Variants in LARGE1 observed in about 807,000 individuals in gnomAD.
LARGE1 encodes the protein xylosyl- and glucuronyltransferase LARGE1.
LARGE1 carries 43 observed loss-of-function variants against 87.6 expected under a neutral mutation model. The observed-to-expected ratio is 0.49, with a 90% CI of 0.38 to 0.63. LARGE1 has a LOEUF of 0.63. Among genes scored for constraint, LARGE1 ranks in the 30% least tolerant of loss-of-function variants. LARGE1 has a pLI of 0.00. For synonymous variants in LARGE1, 434 were observed against 394.6 expected, an observed-to-expected ratio of 1.10 and a Z score of -1.18; for missense variants, 802 against 1,000.2, an observed-to-expected ratio of 0.80 and a Z score of 2.67.
Position 33,728,576 on chromosome 22 carries a change from A to AAAAAAAAAAAAAAAC in LARGE1, c.106+32794_106+32795insGTTTTTTTTTTTTTT. The stretch of plus-strand genomic sequence containing the variant: ...CAAAAAAAAAAAAAAAAAAAAAAAA[A>AAAAAAAAAAAAAAAC]AAACCAACAACAGAGACACATTTCC... On this transcript the variant is annotated intron_variant, in intron 2 of 14. Coordinates refer to ENST00000397394, the MANE Select transcript of LARGE1 (RefSeq NM_133642.5). Among the ~76,000 whole-genome samples the AAAAAAAAAAAAAAAC allele has an allele frequency of 1.9e-5, 2 of 103,764 alleles. 1 individual carries two copies. Among genetic ancestry groups the AAAAAAAAAAAAAAAC allele is most frequent in the Non-Finnish European group, 4.2e-5 (2 of 48,088 alleles). 68.1% of individuals were successfully genotyped at this position (103,764 alleles called of 152,430 possible).
chr22:33,745,644 G>T (rs975447966), intron 2 of LARGE1, among the ~76,000 whole-genome samples: 7 of 152,178 alleles, frequency 4.6e-5, no homozygotes, highest in Non-Finnish European at 2.9e-5. Flanking sequence ...CGAGGGCCCG[G>T]TTCTCGCTAC....
rs1402067972 is a variant in LARGE1, at chr22:33,183,612, ACACACACG to A, written c.1731-16788_1731-16781del. On this transcript the variant is annotated intron_variant, in intron 11 of 11. Transcript: ENST00000608642. ...CTATTGATGGATAAAACACACACAC[ACACACACG>A]CACACACACACACACACACACACAC... Among the ~76,000 whole-genome samples the A allele has an allele frequency of 1.6e-4, 15 of 91,608 alleles. 1 individual carries two copies. The highest frequency in any genetic ancestry group is 5.4e-4 in the African/African-American group (14 of 26,016). 60.1% of individuals were successfully genotyped at this position (91,608 alleles called of 152,430 possible). A position where few individuals can be genotyped will look rare whatever the true frequency, so the allele number is the denominator to read the frequency against.
At chr22:33,454,762 C>G (rs1169172942) in intron 6 of LARGE1, among the ~76,000 whole-genome samples, 1 of 152,110 alleles carries the variant, frequency 6.6e-6, no homozygotes, top group Admixed American at 6.6e-5. Flanking sequence ...CAGAAACAGA[C>G]ACGTCTCACA....
the LARGE1 span, among the ~76,000 whole-genome samples, chr22:33,097,974 A>G: frequency 5.9e-5 from 9 of 152,226 alleles, no homozygotes; most frequent in Non-Finnish European, 1.3e-4. Context: ...ATTTGCCTTC[A>G]TAAAACTTTT....
intron 1 of LARGE1, among the ~76,000 whole-genome samples, chr22:33,851,135 C>G (rs1325890005): frequency 6.6e-6 from 1 of 152,200 alleles, no homozygotes; most frequent in African/African-American, 2.4e-5. Context: ...GTGTTTCACA[C>G]AAGTTAACTA....
chr22:33,508,044 T>C (rs2070848759), intron 6 of LARGE1, among the ~76,000 whole-genome samples: 1 of 150,930 alleles, frequency 6.6e-6, no homozygotes. Context: ...CAGCCACACT[T>C]CCCTTTGATA....
intron 4 of LARGE1, among the ~76,000 whole-genome samples, chr22:33,606,672 C>A (rs1190243932): frequency 2.6e-5 from 4 of 152,086 alleles, no homozygotes; most frequent in African/African-American, 4.8e-5. Flanking sequence ...TTCAATAAAT[C>A]CTCACTGAGT....
chr22:33,545,316 G>A lies in LARGE1; in HGVS notation c.787+19532C>T, dbSNP rs191495876. On this transcript the variant is annotated intron_variant, in intron 6 of 14. Transcript: ENST00000397394. ...GGGTCTCATTCTGTTGCCTAGGCTG[G>A]AGGGCAGTGGTATGATCTCAGCTCA... 2.9e-3 allele frequency among the ~76,000 whole-genome samples: 440 copies of A among 149,778 alleles called. 1 individual carries two copies. The highest frequency in any genetic ancestry group is 6.8e-3 in the Middle Eastern group (2 of 294).
the LARGE1 span, among the ~76,000 whole-genome samples, chr22:33,111,592 T>A: frequency 1.3e-5 from 2 of 152,244 alleles, no homozygotes; most frequent in Admixed American, 6.5e-5. Flanking sequence ...CAGACTCATT[T>A]ATCTACTGTT....
rs868249978 is a variant in LARGE1 at position 33,738,930 on chromosome 22, C to T, written c.106+22441G>A. Among the ~76,000 whole-genome samples, 5 of 151,026 alleles carry T rather than the reference C, an allele frequency of 3.3e-5. No individual in the cohort carries two copies. The South Asian group carries it at 8.5e-4, about 26-fold the overall frequency. On this transcript the variant is annotated intron_variant, in intron 2 of 14. Coordinates refer to ENST00000397394, the MANE Select transcript of LARGE1 (RefSeq NM_133642.5). ...TCCCCATGTATGTCCCTATCCCCCC[C>T]GCATTCTTAACAGTGTTCCAGTTTG... is the stretch of plus-strand genomic sequence containing the variant.
intron 11 of LARGE1, among the ~76,000 whole-genome samples, chr22:33,191,827 C>T (rs137417): frequency 0.63 from 95,374 of 151,904 alleles, 30,410 homozygotes; most frequent in African/African-American, 0.71. Context: ...TAAAATTGAA[C>T]AGAACCAACC....
intron 11 of LARGE1, among the ~76,000 whole-genome samples, chr22:33,261,118 G>T (rs1927602572): frequency 6.6e-6 from 1 of 152,164 alleles, no homozygotes; most frequent in South Asian, 2.1e-4. Flanking sequence ...ACCCCTTCGT[G>T]CTCGCCTGTG....
In LARGE1 at chr22:33,485,535, A is replaced by G. The variant is rs186774073; in HGVS notation, c.788-53270T>C. The stretch of plus-strand genomic sequence containing the variant: ...AAGGAATACATATTCCTTGCAGGAA[A>G]TTTAGGAAATAAAAATATGCAAACT... On this transcript the variant is annotated intron_variant, in intron 6 of 14. Transcript: ENST00000397394. 3.3e-5 allele frequency among the ~76,000 whole-genome samples: 5 copies of G among 152,342 alleles called. No homozygotes were observed. In the East Asian group the frequency reaches 9.7e-4, roughly 29 times the overall value.
At chr22:33,340,900 G>A (rs1265568627) in intron 9 of LARGE1, among the ~76,000 whole-genome samples, 1 of 151,858 alleles carries the variant, frequency 6.6e-6, no homozygotes, top group African/African-American at 2.4e-5. Flanking sequence ...CCTATACACT[G>A]TGGAGGACAG....
chr22:33,420,113 G>A (rs964859365), intron 7 of LARGE1, among the ~76,000 whole-genome samples: 5 of 152,160 alleles, frequency 3.3e-5, no homozygotes, highest in African/African-American at 4.8e-5. Flanking sequence ...AGACATTGCC[G>A]GTGTCCCATG....
chr22:33,657,634 C>T (rs9621748), intron 2 of LARGE1, among the ~76,000 whole-genome samples: 79,725 of 151,760 alleles, frequency 0.53, 21,938 homozygotes, highest in Middle Eastern at 0.66. Context: ...GATTATGGAT[C>T]CTGTCCTAGA....
chr22:33,896,310 C>T (rs1267978113), intron 1 of LARGE1, among the ~76,000 whole-genome samples: 2 of 152,198 alleles, frequency 1.3e-5, no homozygotes, highest in African/African-American at 4.8e-5. Flanking sequence ...ATGTCTACAC[C>T]ACATGGTGTT....
intron 1 of LARGE1, among the ~76,000 whole-genome samples, chr22:33,798,559 T>A (rs942791416): frequency 6.6e-6 from 1 of 152,156 alleles, no homozygotes; most frequent in African/African-American, 2.4e-5. Context: ...CTTTTCTCCA[T>A]CTTTACCAAC....
chr22:33,310,677 C>T (rs373570252), intron 11 of LARGE1, among the ~76,000 whole-genome samples: 57 of 152,334 alleles, frequency 3.7e-4, no homozygotes, highest in African/African-American at 1.1e-3. Context: ...CACCAGTCCG[C>T]GTGCTGCATC....
Sources: gnomAD v4.1 joint callset for allele counts (sites outside exome capture counted in the v4.1 genomes callset) on GRCh38, gnomAD v4.1.1 for gene constraint, MANE v1.5 for transcripts, NCBI Gene and HGNC (gene_info 2026-07-23, HGNC 2026-07-21) for gene names.